Variants in WIPF1 observed in about 807,000 individuals in gnomAD.
The protein encoded by WIPF1 is WAS/WASL-interacting protein family member 1.
In WIPF1, 13 loss-of-function variants were observed where a neutral mutation model predicts 35.4. The observed-to-expected ratio is 0.37, with a 90% confidence interval of 0.24 to 0.58. The LOEUF is 0.58. Among genes scored for constraint, WIPF1 ranks in the 20% least tolerant of loss-of-function variants. WIPF1 has a pLI of 0.74. For synonymous variants in WIPF1, 267 were observed against 266.3 expected, an observed-to-expected ratio of 1.00 and a Z score of -0.02; for missense variants, 591 against 667.0, an observed-to-expected ratio of 0.89 and a Z score of 1.25.
chr2:174,576,307 A>T lies in WIPF1; in HGVS notation c.182-927T>A, dbSNP rs551550946. ...TTTTCCCATCAGTATTTTTCATTTT[A>T]TGTGTTTTTTCTTAAAATTAAGAAC... On this transcript the variant is annotated intron_variant, in intron 3 of 7. Coordinates refer to ENST00000679041, the MANE Select transcript of WIPF1 (RefSeq NM_001375834.1). Among the ~76,000 whole-genome samples the T allele has an allele frequency of 1.3e-4, 19 of 149,106 alleles. No individual in the cohort carries two copies. The South Asian group carries it at 4.0e-3, about 32-fold the overall frequency.
intron 1 of WIPF1, among the ~76,000 whole-genome samples, chr2:174,605,661 A>C (rs1686137531): frequency 1.3e-5 from 2 of 152,168 alleles, no homozygotes; most frequent in Non-Finnish European, 2.9e-5. Flanking sequence ...TTTGTGGATG[A>C]AATATGATGC....
intron 1 of WIPF1, among the ~76,000 whole-genome samples, chr2:174,646,900 C>T (rs995826341): frequency 6.6e-6 from 1 of 152,214 alleles, no homozygotes; most frequent in African/African-American, 2.4e-5. Context: ...CAGGCGTGAG[C>T]CACCACGCAG....
At chr2:174,665,289 C>T (rs982846024) in intron 1 of WIPF1, 2 of 152,200 alleles carry the variant, frequency 1.3e-5, no homozygotes, top group Non-Finnish European at 2.9e-5. Context: ...GGGTCTGTGT[C>T]TCATTCGTGT....
At chr2:174,599,756 T>C (rs1685932663), upstream of WIPF1, among the ~76,000 whole-genome samples, 1 of 151,706 alleles carries the variant, frequency 6.6e-6, no homozygotes, top group South Asian at 2.1e-4. Context: ...TATTTTGAAG[T>C]TCTCTAAGTA....
intron 1 of WIPF1, among the ~76,000 whole-genome samples, chr2:174,663,751 G>A (rs566818597): frequency 2.0e-5 from 3 of 152,218 alleles, no homozygotes; most frequent in African/African-American, 7.2e-5. Context: ...CTTCTGTTTC[G>A]GGTGAGCTCA....
chr2:174,595,363 G>A (rs1685788401), intron 1 of WIPF1, among the ~76,000 whole-genome samples: 1 of 148,446 alleles, frequency 6.7e-6, no homozygotes, highest in Non-Finnish European at 1.5e-5. Context: ...TTGCTTCCAA[G>A]CTGCACTTGT....
intron 1 of WIPF1, among the ~76,000 whole-genome samples, chr2:174,669,704 A>G (rs1687966971): frequency 6.6e-6 from 1 of 152,154 alleles, no homozygotes; most frequent in African/African-American, 2.4e-5. Flanking sequence ...GCAATACTCC[A>G]TCTCTACAAA....
At chr2:174,642,093 A>G (rs1374768124) in intron 1 of WIPF1, among the ~76,000 whole-genome samples, 1 of 152,132 alleles carries the variant, frequency 6.6e-6, no homozygotes, top group East Asian at 1.9e-4. Flanking sequence ...ATATTCATAA[A>G]TGACCACTTT....
chr2:174,656,687 ACCTATC>A (rs1687647385), intron 1 of WIPF1, among the ~76,000 whole-genome samples: 1 of 152,184 alleles, frequency 6.6e-6, no homozygotes, highest in Admixed American at 6.5e-5. Flanking sequence ...CCCATGGCCA[ACCTATC>A]CCTGCTGTTC....
chr2:174,596,053 TC>T (rs1239514110), intron 1 of WIPF1, among the ~76,000 whole-genome samples: 1 of 152,190 alleles, frequency 6.6e-6, no homozygotes, highest in Admixed American at 6.6e-5. Flanking sequence ...CTGGGGAACT[TC>T]CAGCCTACAG....
intron 1 of WIPF1, chr2:174,630,460 C>T (rs1686983531): frequency 6.6e-6 from 1 of 152,188 alleles, no homozygotes; most frequent in Non-Finnish European, 1.5e-5. Flanking sequence ...TGACAGGGTT[C>T]TACTTCAAGG....
At chr2:174,634,073 C>T (rs1402504478) in intron 1 of WIPF1, among the ~76,000 whole-genome samples, 1 of 152,174 alleles carries the variant, frequency 6.6e-6, no homozygotes, top group African/African-American at 2.4e-5. Context: ...CACAAAACAA[C>T]AAACTTTTGC....
At chr2:174,668,663 C>T (rs1016721182) in intron 1 of WIPF1, among the ~76,000 whole-genome samples, 5 of 152,250 alleles carry the variant, frequency 3.3e-5, no homozygotes, top group South Asian at 2.1e-4. Flanking sequence ...CCCAAAACAC[C>T]ACACAAAGAG....
At chr2:174,591,738 G>A (rs1685619400) in intron 1 of WIPF1, among the ~76,000 whole-genome samples, 1 of 151,274 alleles carries the variant, frequency 6.6e-6, no homozygotes, top group Admixed American at 6.6e-5. Flanking sequence ...GGACTTCCTA[G>A]TTCATTCTGT....
intron 7 of WIPF1, among the ~76,000 whole-genome samples, chr2:174,564,547 G>A (rs1236983416): frequency 6.6e-6 from 1 of 152,144 alleles, no homozygotes; most frequent in Non-Finnish European, 1.5e-5. Flanking sequence ...GCAGGACACA[G>A]TTCTAGTCCT....
chr2:174,598,274 G>A (rs1685885074), upstream of WIPF1: 1 of 152,146 alleles, frequency 6.6e-6, no homozygotes, highest in Admixed American at 6.5e-5. Flanking sequence ...CAGGTCAGGT[G>A]TATGAAGGCA....
At chr2:174,660,174 A>G (rs781748882) in intron 1 of WIPF1, among the ~76,000 whole-genome samples, 12 of 152,202 alleles carry the variant, frequency 7.9e-5, no homozygotes, top group Non-Finnish European at 1.3e-4. Context: ...TGTGGCTATC[A>G]GGATTAGAAC....
intron 1 of WIPF1, among the ~76,000 whole-genome samples, chr2:174,611,313 G>T (rs373251820): frequency 8.5e-5 from 13 of 152,130 alleles, no homozygotes; most frequent in African/African-American, 3.1e-4. Flanking sequence ...AATGGAAAGG[G>T]CTCCAAAGTC....
At chr2:174,597,060 A>G (rs1264098794) in intron 1 of WIPF1, among the ~76,000 whole-genome samples, 1 of 152,222 alleles carries the variant, frequency 6.6e-6, no homozygotes, top group African/African-American at 2.4e-5. Context: ...ACAGGAATAG[A>G]CTTATTCTAA....
Sources: gnomAD v4.1 joint callset for allele counts (sites outside exome capture counted in the v4.1 genomes callset) on GRCh38, gnomAD v4.1.1 for gene constraint, MANE v1.5 for transcripts, NCBI Gene and HGNC (gene_info 2026-07-23, HGNC 2026-07-21) for gene names.